The following WDR72 variants were observed in gnomAD, a reference collection of about 807,000 sequenced individuals.
The protein encoded by WDR72 is WD repeat-containing protein 72.
A neutral mutation model predicts 124.2 loss-of-function variants in WDR72; 120 were observed. The ratio of observed to expected loss-of-function variants is 0.97; its 90% CI spans 0.83 to 1.12. The LOEUF (loss-of-function observed/expected upper bound fraction) is 1.12. WDR72 is among the 50% of genes most tolerant of loss of function. The pLI is 0.00. For missense variants in WDR72, 1,387 were observed against 1,278.8 expected, an observed-to-expected ratio of 1.08 and a Z score of -1.29; for synonymous variants, 452 against 441.7, an observed-to-expected ratio of 1.02 and a Z score of -0.29.
At chr15:53,597,351 C>T in intron 17 of WDR72, 77 bp from the exon 18 acceptor site, 1 of 1,448,278 alleles carries the variant, frequency 6.9e-7, no homozygotes, top group Non-Finnish European at 9.5e-7. Flanking sequence ...AATCCAAAGC[C>T]CGGAATTTAA....
intron 14 of WDR72, among the ~76,000 whole-genome samples, chr15:53,639,733 C>A (rs184552741): frequency 1.3e-5 from 2 of 151,812 alleles, no homozygotes; most frequent in African/African-American, 4.8e-5. Flanking sequence ...TCTTTTCATG[C>A]GGAAAGTGCC....
chr15:53,611,908 C>T (rs1469175666), intron 16 of WDR72, among the ~76,000 whole-genome samples: 1 of 152,136 alleles, frequency 6.6e-6, no homozygotes, highest in Admixed American at 6.6e-5. Flanking sequence ...CTCTTTTCAA[C>T]AGTCGTGTGA....
At position 53,616,120 on chromosome 15, in the gene WDR72, T is replaced by C. The variant is rs761308381; in HGVS notation, c.2086A>G (p.Thr696Ala). Residue 696 changes from threonine (T) to alanine (A), a missense_variant, in exon 15 of 20, where the codon ACT becomes GCT. Transcript: ENST00000360509. Reference sequence around the variant, plus strand: ...GAAGAGTCAACATCACTGAGTGGAGTTGGTAGCAAAAGTTCAACAAGGTTT... The same window carrying C: ...GAAGAGTCAACATCACTGAGTGGAGCTGGTAGCAAAAGTTCAACAAGGTTT... Reference protein sequence around the residue: ...LENLVELLLPTPLSDVDSSSS... With the variant: ...LENLVELLLPAPLSDVDSSSS... The C allele has an allele frequency of 7.5e-6, 12 of 1,603,824 alleles. No individual in the cohort carries two copies. The highest frequency in any genetic ancestry group is 2.2e-5 in the East Asian group (1 of 44,710).
At chr15:53,736,421 C>A (rs2018355730) in intron 1 of WDR72, among the ~76,000 whole-genome samples, 1 of 152,092 alleles carries the variant, frequency 6.6e-6, no homozygotes, top group Non-Finnish European at 1.5e-5. Context: ...GGTATTGGAG[C>A]AGGAACAAGT....
At chr15:53,532,200 T>C (rs1252726788) in intron 18 of WDR72, among the ~76,000 whole-genome samples, 1 of 152,144 alleles carries the variant, frequency 6.6e-6, no homozygotes, top group Non-Finnish European at 1.5e-5. Flanking sequence ...GGTGGGAATG[T>C]AAATTAGTAC....
At chr15:53,518,948 A>G (rs1209489778) in intron 19 of WDR72, among the ~76,000 whole-genome samples, 1 of 152,100 alleles carries the variant, frequency 6.6e-6, no homozygotes, top group East Asian at 1.9e-4. Context: ...GGCAGAATGC[A>G]TACTGATTAT....
intron 3 of WDR72, among the ~76,000 whole-genome samples, chr15:53,717,655 A>G (rs2017750804): frequency 6.6e-6 from 1 of 152,110 alleles, no homozygotes; most frequent in South Asian, 2.1e-4. Flanking sequence ...GGAACTAGGA[A>G]CACACTAGTG....
In WDR72 at chr15:53,516,600, C is replaced by T. The variant is rs547196239; in HGVS notation, c.*1099G>A. The T allele has an allele frequency of 1.3e-5, 2 of 152,058 alleles. No homozygotes were observed. Among genetic ancestry groups the T allele is most frequent in the Non-Finnish European group, 2.9e-5 (2 of 67,978 alleles). 9.4% of individuals were successfully genotyped at this position (152,058 alleles called of 1,614,324 possible). A position where few individuals can be genotyped will look rare whatever the true frequency, so the allele number is the denominator to read the frequency against. ...CTGCATCCCACCATAGGACCTGAGG[C>T]TGCTCCTATGCTCAGAGATATGTTT... On this transcript the variant is annotated 3_prime_UTR_variant, in exon 20 of 20. Transcript: ENST00000360509.
chr15:53,707,738 G>A (rs577622823), intron 9 of WDR72, among the ~76,000 whole-genome samples: 3 of 152,116 alleles, frequency 2.0e-5, no homozygotes, highest in Admixed American at 6.5e-5. Context: ...GAGCCACTGC[G>A]CCCGGCCAAT....
chr15:53,668,974 G>GAGGACA (rs2015885557), intron 13 of WDR72, among the ~76,000 whole-genome samples: 1 of 112,864 alleles, frequency 8.9e-6, no homozygotes, highest in Non-Finnish European at 1.8e-5. Context: ...GGAGGAGGAG[G>GAGGACA]AGGAGAAGGA....
intron 1 of WDR72, among the ~76,000 whole-genome samples, chr15:53,735,360 G>A (rs1234222082): frequency 6.6e-6 from 1 of 152,246 alleles, no homozygotes; most frequent in African/African-American, 2.4e-5. Context: ...CGGGGGGAAC[G>A]TACAATGGAA....
At chr15:53,569,248 C>T (rs1332923587) in intron 18 of WDR72, among the ~76,000 whole-genome samples, 2 of 151,970 alleles carry the variant, frequency 1.3e-5, no homozygotes, top group African/African-American at 2.4e-5. Context: ...CCTCTACACT[C>T]CCAGCTTCCA....
intron 1 of WDR72, among the ~76,000 whole-genome samples, chr15:53,750,332 T>A (rs1003863850): frequency 6.6e-6 from 1 of 152,160 alleles, no homozygotes; most frequent in Non-Finnish European, 1.5e-5. Context: ...TGACAAAACA[T>A]CTATTTACAG....
At chr15:53,654,037 T>TA (rs1223745166) in intron 14 of WDR72, among the ~76,000 whole-genome samples, 2 of 152,184 alleles carry the variant, frequency 1.3e-5, no homozygotes, top group African/African-American at 4.8e-5. Flanking sequence ...AAAAATCAAT[T>TA]AGAGTTCTTT....
At chr15:53,682,308 C>T (rs2016418784) in intron 13 of WDR72, among the ~76,000 whole-genome samples, 1 of 151,494 alleles carries the variant, frequency 6.6e-6, no homozygotes, top group South Asian at 2.1e-4. Flanking sequence ...CTGTGGTGGG[C>T]CTGTGGGGTG....
At chr15:53,574,188 A>T (rs1447180145) in intron 18 of WDR72, among the ~76,000 whole-genome samples, 1 of 152,198 alleles carries the variant, frequency 6.6e-6, no homozygotes, top group African/African-American at 2.4e-5. Context: ...TAAAAATCCA[A>T]ACGTAATTTA....
intron 11 of WDR72, among the ~76,000 whole-genome samples, chr15:53,702,754 TC>T (rs1374557267): frequency 1.3e-5 from 2 of 152,116 alleles, no homozygotes; most frequent in African/African-American, 4.8e-5. Flanking sequence ...GCACCTATAG[TC>T]CCAGCTACAA....
At chr15:53,735,783 C>A (rs887265237) in intron 1 of WDR72, among the ~76,000 whole-genome samples, 1 of 151,676 alleles carries the variant, frequency 6.6e-6, no homozygotes, top group Non-Finnish European at 1.5e-5. Flanking sequence ...AATAAGTGAA[C>A]AATCTAAAAC....
In WDR72 at chr15:53,615,845, A is replaced by G; in HGVS notation, c.2361T>C (p.Asp787=). The G allele has an allele frequency of 1.2e-6, 2 of 1,613,632 alleles. No homozygotes were observed. Among genetic ancestry groups the G allele is most frequent in the Non-Finnish European group, 1.7e-6 (2 of 1,179,674 alleles). The part of the protein sequence containing the change: ...KMQPKPSRKV[D]ASLTIDTAKL... ...TTGCTGTGTCTATTGTGAGACTGGC[A>G]TCTACTTTTCTTGATGGCTTAGGCT... The change falls in exon 15 of 20, where the codon GAT becomes GAC. Residue 787 remains aspartate (D), a synonymous_variant. Coordinates refer to ENST00000360509, the MANE Select transcript of WDR72 (RefSeq NM_182758.4).
Sources: gnomAD v4.1 joint callset for allele counts (sites outside exome capture counted in the v4.1 genomes callset) on GRCh38, gnomAD v4.1.1 for gene constraint, MANE v1.5 for transcripts, NCBI Gene and HGNC (gene_info 2026-07-23, HGNC 2026-07-21) for gene names.